The following VPS13B variants were observed in gnomAD, a reference collection of about 807,000 sequenced individuals.
VPS13B encodes vacuolar protein sorting 13 homolog B, also known as intermembrane lipid transfer protein VPS13B.
VPS13B carries 285 observed loss-of-function variants against 426.4 expected under a neutral mutation model. The observed-to-expected ratio is 0.67, with a 90% CI of 0.61 to 0.74. VPS13B has a LOEUF of 0.74. Ranked by LOEUF, VPS13B falls within the 30% of genes least tolerant of loss-of-function variation. The pLI, the probability that VPS13B is intolerant of heterozygous loss-of-function variation, is 0.00. For missense variants in VPS13B, 4,537 were observed against 4,782.6 expected (o/e 0.95, Z 1.51); for synonymous variants, 1,676 against 1,676.4 (o/e 1.00, Z 0.01).
intron 17 of VPS13B, among the ~76,000 whole-genome samples, chr8:99,225,247 A>G (rs776038210): frequency 1.3e-5 from 2 of 151,816 alleles, no homozygotes; most frequent in Admixed American, 6.6e-5. Context: ...AACTCACTAT[A>G]TTCAGAAGGA....
chr8:99,695,345 A>G (rs373719998), intron 35 of VPS13B, among the ~76,000 whole-genome samples: 5 of 149,164 alleles, frequency 3.4e-5, no homozygotes, highest in African/African-American at 1.2e-4. Flanking sequence ...TGGCACATAT[A>G]CACCATGGAA....
chr8:99,871,010 G>A (rs763648089), intron 60 of VPS13B, 123 bp downstream of exon 60: 120 of 956,042 alleles, frequency 1.3e-4, no homozygotes, highest in Non-Finnish European at 1.9e-4. Flanking sequence ...GTTGGCACTG[G>A]CATCTCAGGC....
intron 30 of VPS13B, among the ~76,000 whole-genome samples, chr8:99,525,949 C>T (rs1006306233): frequency 6.6e-6 from 1 of 152,098 alleles, no homozygotes; most frequent in Non-Finnish European, 1.5e-5. Context: ...GTGAGGAAAA[C>T]GACATTATGG....
chr8:99,422,843 T>C (rs749221471), intron 21 of VPS13B, among the ~76,000 whole-genome samples: 51 of 152,230 alleles, frequency 3.4e-4, no homozygotes, highest in Non-Finnish European at 7.2e-4. Context: ...CTTACGTTTT[T>C]ACACTTCTAT....
chr8:99,510,352 T>A (rs1198771143), intron 28 of VPS13B, among the ~76,000 whole-genome samples: 1 of 152,184 alleles, frequency 6.6e-6, no homozygotes, highest in Non-Finnish European at 1.5e-5. Flanking sequence ...TCAGATTTGG[T>A]CTCAAATAAA....
intron 40 of VPS13B, among the ~76,000 whole-genome samples, chr8:99,769,913 C>G (rs1467077205): frequency 1.3e-5 from 2 of 152,156 alleles, no homozygotes. Flanking sequence ...AATCCCTGCA[C>G]TTTGGGAGGC....
intron 27 of VPS13B, among the ~76,000 whole-genome samples, chr8:99,503,897 A>G (rs1454751861): frequency 6.6e-6 from 1 of 152,186 alleles, no homozygotes; most frequent in East Asian, 1.9e-4. Flanking sequence ...AATGTTCTTA[A>G]TGGTGTCTAC....
chr8:99,050,572 T>C (rs554204506), intron 3 of VPS13B, among the ~76,000 whole-genome samples: 2 of 152,328 alleles, frequency 1.3e-5, no homozygotes, highest in East Asian at 1.9e-4. Context: ...CTGGGTCAAA[T>C]GGTATTTCTA....
At chr8:99,591,419 G>A (rs1027799762) in intron 33 of VPS13B, among the ~76,000 whole-genome samples, 7 of 152,092 alleles carry the variant, frequency 4.6e-5, no homozygotes, top group East Asian at 1.9e-4. Context: ...TATTTTGCCC[G>A]TTAAATGATG....
intron 30 of VPS13B, among the ~76,000 whole-genome samples, chr8:99,524,643 A>G (rs1258776329): frequency 6.6e-6 from 1 of 152,080 alleles, no homozygotes; most frequent in Non-Finnish European, 1.5e-5. Context: ...AAAACTTAAA[A>G]CTTAGTCAGG....
At chr8:99,842,696 T>A (rs1815772542) in intron 54 of VPS13B, among the ~76,000 whole-genome samples, 1 of 152,214 alleles carries the variant, frequency 6.6e-6, no homozygotes, top group African/African-American at 2.4e-5. Flanking sequence ...GTTATAATTC[T>A]AAAAAATTTG....
chr8:99,279,225 G>A (rs893624276), intron 19 of VPS13B, among the ~76,000 whole-genome samples: 3 of 152,016 alleles, frequency 2.0e-5, no homozygotes, highest in Non-Finnish European at 2.9e-5. Context: ...GTGACAGAAC[G>A]CAACCCTGTC....
Position 99,764,207 on chromosome 8 carries a change from G to A in VPS13B, c.7051-2567G>A, listed in dbSNP as rs568672107. Among the ~76,000 whole-genome samples, 222 of 152,206 alleles carry A rather than the reference G, an allele frequency of 1.5e-3. 1 individual carries two copies. Among genetic ancestry groups the A allele is most frequent in the African/African-American group, 5.1e-3 (212 of 41,538 alleles). Reference sequence around the variant, plus strand: ...ACAAAATATAGTGAGTCCTGTGTTAGAGTAGTGTACTAGGTATAGACATGA... The same window carrying A: ...ACAAAATATAGTGAGTCCTGTGTTAAAGTAGTGTACTAGGTATAGACATGA... On this transcript the variant is annotated intron_variant, in intron 39 of 61. Coordinates refer to ENST00000357162, the MANE Select transcript of VPS13B (RefSeq NM_152564.5).
chr8:99,796,198 G>C (rs934453672), intron 43 of VPS13B, among the ~76,000 whole-genome samples: 1 of 151,956 alleles, frequency 6.6e-6, no homozygotes, highest in Non-Finnish European at 1.5e-5. Flanking sequence ...AGTGAGGTAA[G>C]AATTGAAAAA....
At chr8:99,759,385 T>G (rs950972987) in intron 39 of VPS13B, among the ~76,000 whole-genome samples, 2 of 152,222 alleles carry the variant, frequency 1.3e-5, no homozygotes, top group African/African-American at 2.4e-5. Flanking sequence ...AGTTCTCTGA[T>G]GTCCTCTTTT....
Position 99,778,673 on chromosome 8 carries a change from T to C in VPS13B, c.7430-9T>C. On this transcript the variant is annotated splice_polypyrimidine_tract_variant and intron_variant, in intron 41 of 61. Coordinates refer to ENST00000357162, the MANE Select transcript of VPS13B (RefSeq NM_152564.5). ...TAATTGCTGTTTTCCTTGTTTGTTT[T>C]CTCAACAGCTGCACCACAGTACCTA... The C allele has an allele frequency of 6.2e-7, 1 of 1,612,786 alleles. No individual in the cohort carries two copies.
intron 19 of VPS13B, among the ~76,000 whole-genome samples, chr8:99,345,335 G>A (rs1438975782): frequency 6.6e-6 from 1 of 151,964 alleles, no homozygotes; most frequent in Non-Finnish European, 1.5e-5. Context: ...CAAAATCAGG[G>A]GCTGGCAAAC....
intron 30 of VPS13B, among the ~76,000 whole-genome samples, chr8:99,545,689 A>G (rs1389918397): frequency 1.3e-5 from 2 of 152,008 alleles, no homozygotes; most frequent in Non-Finnish European, 2.9e-5. Context: ...AAACAGCCTT[A>G]ATACTGTTGC....
At chr8:99,695,814 G>A (rs1286342021) in intron 35 of VPS13B, 1 of 152,094 alleles carries the variant, frequency 6.6e-6, no homozygotes, top group East Asian at 1.9e-4. Context: ...GTATCCAGGA[G>A]CGAAGCCAAA....
Sources: allele counts gnomAD v4.1 joint callset (sites outside exome capture counted in the v4.1 genomes callset), GRCh38; gene constraint gnomAD v4.1.1; transcripts MANE v1.5; gene names NCBI Gene and HGNC (gene_info 2026-07-23, HGNC 2026-07-21).